Variants in SCIN observed in about 807,000 individuals in gnomAD.
The protein encoded by SCIN is scinderin, also known as adseverin.
SCIN carries 91 observed loss-of-function variants against 91.8 expected under a neutral mutation model. The observed-to-expected ratio is 0.99, with a 90% CI of 0.84 to 1.18. The LOEUF (loss-of-function observed/expected upper bound fraction) is 1.18, where lower values mean the gene tolerates loss of function less well. SCIN is among the 50% of genes most tolerant of loss of function. The probability of loss-of-function intolerance (pLI) is 0.00; values close to 1 mark genes in which losing one functional copy is unlikely to be tolerated. For missense variants in SCIN, 1,087 were observed against 863.9 expected (o/e 1.26, Z -3.24); for synonymous variants, 367 against 312.6 (o/e 1.17, Z -1.84).
intron 4 of SCIN, among the ~76,000 whole-genome samples, chr7:12,609,839 A>G (rs1207147859): frequency 2.0e-5 from 3 of 151,026 alleles, no homozygotes; most frequent in African/African-American, 7.3e-5. Flanking sequence ...CTCTCTGGAA[A>G]GTCATACATG....
intron 5 of SCIN, 87 bp from the exon 6 acceptor site, chr7:12,624,923 G>C: frequency 7.7e-7 from 1 of 1,293,838 alleles, no homozygotes; most frequent in Non-Finnish European, 1.0e-6. Flanking sequence ...GACATTTACC[G>C]AGTTGTACAA....
At chr7:12,573,390 G>A (rs1370213275) in intron 1 of SCIN, among the ~76,000 whole-genome samples, 1 of 152,136 alleles carries the variant, frequency 6.6e-6, no homozygotes, top group Non-Finnish European at 1.5e-5. Context: ...AGGGGAAACA[G>A]GAAGAAGTTG....
chr7:12,638,006 C>T (rs849764), intron 10 of SCIN, among the ~76,000 whole-genome samples: 1 of 152,086 alleles, frequency 6.6e-6, no homozygotes, highest in Non-Finnish European at 1.5e-5. Context: ...TGTTTCTAGC[C>T]TGGTTCAATC....
chr7:12,594,919 C>G (rs1000541536), intron 3 of SCIN, among the ~76,000 whole-genome samples: 1 of 152,102 alleles, frequency 6.6e-6, no homozygotes, highest in African/African-American at 2.4e-5. Context: ...CTCTCTTACT[C>G]ACCCCTCTCA....
chr7:12,578,037 T>C (rs1310449138), intron 1 of SCIN, 27 bp from the exon 2 acceptor site: 1 of 1,505,756 alleles, frequency 6.6e-7, no homozygotes, highest in Non-Finnish European at 8.9e-7. Flanking sequence ...TGCTTGATAA[T>C]TGAGGTGCTG....
rs1280524171 is a variant in SCIN at position 12,625,159 on chromosome 7, A to G, written c.892+17A>G. 1.2e-6 allele frequency: 2 copies of G among 1,601,280 alleles called. No individual in the cohort carries two copies. Among genetic ancestry groups the G allele is most frequent in the African/African-American group, 2.7e-5 (2 of 74,570 alleles). On this transcript the variant is annotated intron_variant, in intron 6 of 15. Transcript: ENST00000297029. ...TATGGAAAGGTAAAAAATTCCATTGACGATGCTGTATTTCAGATTTATAGA... is the reference window on the plus strand; with the variant it reads ...TATGGAAAGGTAAAAAATTCCATTGGCGATGCTGTATTTCAGATTTATAGA...
intron 9 of SCIN, among the ~76,000 whole-genome samples, chr7:12,633,559 G>A (rs1583313589): frequency 6.6e-6 from 1 of 152,284 alleles, no homozygotes; most frequent in Admixed American, 6.5e-5. Context: ...GTGTCATGAG[G>A]CAGAACTTAG....
chr7:12,656,891 G>C lies in SCIN; in HGVS notation c.*4176G>C, dbSNP rs1784173058. 1 of 151,596 alleles carries C rather than the reference G, an allele frequency of 6.6e-6. No homozygotes were observed. Among genetic ancestry groups the C allele is most frequent in the African/African-American group, 2.4e-5 (1 of 41,230 alleles). 9.4% of individuals were successfully genotyped at this position (151,596 alleles called of 1,614,324 possible). A position where few individuals can be genotyped will look rare whatever the true frequency, so the allele number is the denominator to read the frequency against. Reference sequence around the variant, plus strand: ...CGAAAGTACGCGCCACTGTACTCCAGCCTGCGTGACGATGAGAGTCTCCGT... The same window carrying C: ...CGAAAGTACGCGCCACTGTACTCCACCCTGCGTGACGATGAGAGTCTCCGT... On this transcript the variant is annotated 3_prime_UTR_variant, in exon 16 of 16. Transcript: ENST00000297029.
At position 12,636,110 on chromosome 7, in the gene SCIN, G is replaced by A. The variant is rs76010472; in HGVS notation, c.1385G>A (p.Arg462Gln). ...GCGTTCCTGACTGTTCAGTTGGATC[G>A]GTCCCTTGGAGGACAGGCTGTGCAG... ...TSAFLTVQLDRSLGGQAVQIR... is the reference protein window; with the variant it reads ...TSAFLTVQLDQSLGGQAVQIR... Residue 462 changes from arginine (R) to glutamine (Q), a missense_variant, in exon 10 of 16, where the codon CGG becomes CAG. Transcript: ENST00000297029. The A allele has an allele frequency of 3.3e-4, 539 of 1,612,680 alleles. 1 individual carries two copies. In the African/African-American group the frequency reaches 5.8e-3, roughly 17 times the overall value.
intron 4 of SCIN, among the ~76,000 whole-genome samples, chr7:12,620,394 C>G (rs1783383117): frequency 6.6e-6 from 1 of 152,136 alleles, no homozygotes; most frequent in African/African-American, 2.4e-5. Flanking sequence ...TTCTACCACT[C>G]TATTTCTATG....
intron 14 of SCIN, among the ~76,000 whole-genome samples, chr7:12,650,005 T>C (rs549803795): frequency 6.6e-6 from 1 of 152,358 alleles, no homozygotes; most frequent in East Asian, 1.9e-4. Context: ...AATATGTTCC[T>C]GTTTTATTTA....
intron 3 of SCIN, among the ~76,000 whole-genome samples, chr7:12,592,907 T>C (rs1049845375): frequency 6.6e-6 from 1 of 152,158 alleles, no homozygotes; most frequent in African/African-American, 2.4e-5. Context: ...TGGGCTCCGA[T>C]GCAGTGATGG....
chr7:12,615,263 C>T (rs1458987135), intron 4 of SCIN, among the ~76,000 whole-genome samples: 1 of 152,168 alleles, frequency 6.6e-6, no homozygotes, highest in African/African-American at 2.4e-5. Context: ...TGTGTCCTCA[C>T]CCAAATCTCA....
chr7:12,602,451 T>C (rs148640868), intron 3 of SCIN, among the ~76,000 whole-genome samples: 2,360 of 152,264 alleles, frequency 0.015, 24 homozygotes, highest in Middle Eastern at 0.027. Flanking sequence ...AGCAGAGAAC[T>C]GGTCTGACCA....
At chr7:12,595,377 G>A (rs1782819310) in intron 3 of SCIN, among the ~76,000 whole-genome samples, 1 of 151,842 alleles carries the variant, frequency 6.6e-6, no homozygotes, top group South Asian at 2.1e-4. Context: ...GCTGCCCGTA[G>A]GGCTGTAAGC....
Position 12,578,137 on chromosome 7 carries a change from C to G in SCIN, c.273C>G (p.Gly91=), listed in dbSNP as rs771293850. ...FTVQMDDYLG[G]KPVQNRELQG... is the part of the protein sequence containing the mutation. Reference sequence around the variant, plus strand: ...TTCAGATGGATGACTATTTGGGTGGCAAGCCAGTGCAGAATAGAGAACTTC... The same window carrying G: ...TTCAGATGGATGACTATTTGGGTGGGAAGCCAGTGCAGAATAGAGAACTTC... Residue 91 remains glycine (G), a synonymous_variant, in exon 2 of 16, where the codon GGC becomes GGG. Transcript: ENST00000297029. 6.4e-7 allele frequency: 1 copy of G among 1,551,214 alleles called. No individual in the cohort carries two copies. The highest frequency in any genetic ancestry group is 8.7e-7 in the Non-Finnish European group (1 of 1,146,654).
chr7:12,613,749 G>A (rs887257659), intron 4 of SCIN, among the ~76,000 whole-genome samples: 59 of 152,092 alleles, frequency 3.9e-4, no homozygotes, highest in African/African-American at 1.3e-3. Flanking sequence ...AAATGTATAT[G>A]TAATAATATG....
intron 3 of SCIN, 125 bp from the exon 4 acceptor site, chr7:12,604,389 G>A (rs577178761): frequency 4.9e-5 from 39 of 795,148 alleles, no homozygotes; most frequent in Non-Finnish European, 6.9e-5. Flanking sequence ...TAACAATTAT[G>A]TATATACCTC....
chr7:12,609,789 C>A (rs1368981209), intron 4 of SCIN, among the ~76,000 whole-genome samples: 1 of 152,008 alleles, frequency 6.6e-6, no homozygotes, highest in Non-Finnish European at 1.5e-5. Flanking sequence ...TGTTGCTGAA[C>A]TGTTGTTGAA....
Sources: allele counts gnomAD v4.1 joint callset (sites outside exome capture counted in the v4.1 genomes callset), GRCh38; gene constraint gnomAD v4.1.1; transcripts MANE v1.5; gene names NCBI Gene and HGNC (gene_info 2026-07-23, HGNC 2026-07-21).